RNF38: variants seen among roughly 807,000 people sequenced by gnomAD.
RNF38 encodes E3 ubiquitin-protein ligase RNF38.
RNF38 carries 15 observed loss-of-function variants against 67.2 expected under a neutral mutation model. The observed-to-expected ratio is 0.22, with a 90% confidence interval of 0.15 to 0.34. The LOEUF is 0.34. RNF38 is among the 10% of genes least tolerant of loss of function. The pLI, the probability that RNF38 is intolerant of heterozygous loss-of-function variation, is 1.00. For synonymous variants in RNF38, 220 were observed against 218.8 expected (o/e 1.01, Z -0.05); for missense variants, 524 against 639.9 (o/e 0.82, Z 1.95).
intron 1 of RNF38, among the ~76,000 whole-genome samples, chr9:36,390,835 G>C (rs1474602695): frequency 6.6e-6 from 1 of 152,208 alleles, no homozygotes; most frequent in African/African-American, 2.4e-5. Context: ...AGGCAAAACA[G>C]CACAGCCCAA....
upstream of RNF38, chr9:36,400,853 C>A (rs1440176123): frequency 1.1e-5 from 11 of 984,060 alleles, no homozygotes; most frequent in African/African-American, 1.2e-4. Flanking sequence ...CGGGCCTCGG[C>A]CCCGTCCCGC....
intron 1 of RNF38, among the ~76,000 whole-genome samples, chr9:36,473,890 G>C (rs951649740): frequency 6.6e-6 from 1 of 151,538 alleles, no homozygotes; most frequent in African/African-American, 2.4e-5. Flanking sequence ...AGGAGGCTGA[G>C]GCAGAGAATT....
At chr9:36,351,260 C>G in intron 8 of RNF38, 61 bp from the exon 9 acceptor site, 1 of 1,153,480 alleles carries the variant, frequency 8.7e-7, no homozygotes. Context: ...ATGAACAGGA[C>G]AGGGAGGACA....
chr9:36,425,111 C>A (rs1321723571), intron 1 of RNF38, among the ~76,000 whole-genome samples: 1 of 152,162 alleles, frequency 6.6e-6, no homozygotes, highest in African/African-American at 2.4e-5. Context: ...ACAATCTAAT[C>A]TACAATCACA....
In RNF38 at chr9:36,337,403, C is replaced by CAA. The variant is rs1400706033; in HGVS notation, c.*2347_*2348dup. On this transcript the variant is annotated 3_prime_UTR_variant, in exon 12 of 12. Transcript: ENST00000259605. ...GCCTCCTAAATTGCCAATTGCCTCT[C>CAA]AAAAACTTACAGAAAAAGGGACATT... 1.3e-5 allele frequency: 2 copies of CAA among 152,792 alleles called. No individual in the cohort carries two copies. Among genetic ancestry groups the CAA allele is most frequent in the African/African-American group, 4.8e-5 (2 of 41,406 alleles). The allele number at this position is 152,792 out of a possible 1,614,324, so 9.5% of individuals were successfully genotyped here. A position where few individuals can be genotyped will look rare whatever the true frequency, so the allele number is the denominator to read the frequency against.
chr9:36,390,639 G>T, intron 1 of RNF38, 23 bp from the exon 2 acceptor site: 2 of 1,613,218 alleles, frequency 1.2e-6, no homozygotes, highest in Non-Finnish European at 1.7e-6. Flanking sequence ...GGAAGAAAAG[G>T]ATAGTTCATG....
intron 2 of RNF38, 49 bp downstream of exon 2, chr9:36,390,418 A>G: frequency 6.6e-7 from 1 of 1,517,390 alleles, no homozygotes; most frequent in Non-Finnish European, 8.9e-7. Context: ...GAAACACTGT[A>G]GAATGTGACT....
chr9:36,344,817 G>A lies in RNF38; in HGVS notation c.1385+15C>T. ...AAAAGGAAATTTAGCAGTGATGTCA[G>A]AAAAATTTACTTACAAAGTCTGTTC... On this transcript the variant is annotated intron_variant, in intron 10 of 11. Coordinates refer to ENST00000259605, the MANE Select transcript of RNF38 (RefSeq NM_022781.5). 6.2e-7 allele frequency: 1 copy of A among 1,609,020 alleles called. No individual in the cohort carries two copies. The highest frequency in any genetic ancestry group is 8.5e-7 in the Non-Finnish European group (1 of 1,176,870).
intron 2 of RNF38, among the ~76,000 whole-genome samples, chr9:36,380,392 G>GT (rs1836124324): frequency 6.6e-6 from 1 of 152,132 alleles, no homozygotes; most frequent in African/African-American, 2.4e-5. Flanking sequence ...TAGAGATGGG[G>GT]TTTCTCCACG....
chr9:36,465,383 G>A (rs1839836260), intron 1 of RNF38, among the ~76,000 whole-genome samples: 1 of 151,962 alleles, frequency 6.6e-6, no homozygotes, highest in African/African-American at 2.4e-5. Context: ...TTTCGCTCTT[G>A]TTGCCCAGGC....
At chr9:36,355,208 C>A (rs1834009830) in intron 6 of RNF38, among the ~76,000 whole-genome samples, 1 of 152,178 alleles carries the variant, frequency 6.6e-6, no homozygotes, top group African/African-American at 2.4e-5. Context: ...CCTTAGTAAA[C>A]AATGGTAAGA....
intron 2 of RNF38, among the ~76,000 whole-genome samples, chr9:36,384,313 C>T (rs1188937437): frequency 6.6e-6 from 1 of 151,828 alleles, no homozygotes. Context: ...TGAGAGATAC[C>T]CCGCCTGGAG....
At chr9:36,423,056 C>G (rs957056071) in intron 2 of RNF38, among the ~76,000 whole-genome samples, 1 of 152,162 alleles carries the variant, frequency 6.6e-6, no homozygotes, top group African/African-American at 2.4e-5. Context: ...GAAGCACAAT[C>G]ACTTGTAACA....
intron 1 of RNF38, among the ~76,000 whole-genome samples, chr9:36,467,024 C>G (rs1355956922): frequency 6.9e-6 from 1 of 144,112 alleles, no homozygotes; most frequent in East Asian, 2.1e-4. Context: ...ACTAAAAATA[C>G]AAAAATTAGC....
chr9:36,390,929 T>C (rs1176033789), intron 1 of RNF38, among the ~76,000 whole-genome samples: 1 of 152,198 alleles, frequency 6.6e-6, no homozygotes, highest in Non-Finnish European at 1.5e-5. Context: ...AAGGACAGAC[T>C]TCATGCTAAG....
chr9:36,478,091 G>T (rs909397401), intron 1 of RNF38, among the ~76,000 whole-genome samples: 1 of 152,018 alleles, frequency 6.6e-6, no homozygotes, highest in East Asian at 1.9e-4. Context: ...TTCACTAAAA[G>T]ATTGCCAACA....
intron 1 of RNF38, among the ~76,000 whole-genome samples, chr9:36,439,749 T>C (rs893073935): frequency 3.6e-5 from 5 of 140,018 alleles, no homozygotes; most frequent in African/African-American, 1.4e-4. Context: ...CGAGATTATA[T>C]CACTGTACTC....
intron 2 of RNF38, among the ~76,000 whole-genome samples, chr9:36,385,874 C>T (rs555554605): frequency 1.3e-5 from 2 of 152,286 alleles, no homozygotes; most frequent in Non-Finnish European, 2.9e-5. Flanking sequence ...CAAAGTTTTG[C>T]CTCATCTGCC....
rs1046685810 is a variant in RNF38, at chr9:36,337,167, A to G, written c.*2585T>C. On this transcript the variant is annotated 3_prime_UTR_variant, in exon 12 of 12. Coordinates refer to ENST00000259605, the MANE Select transcript of RNF38 (RefSeq NM_022781.5). The stretch of plus-strand genomic sequence containing the variant: ...CAAGGTGACCAATGGCTGGGCACAA[A>G]TAAACTTCTCTTTTGCTAGCCACAG... The G allele has an allele frequency of 3.9e-5, 6 of 152,226 alleles. No individual in the cohort carries two copies. Among genetic ancestry groups the G allele is most frequent in the African/African-American group, 1.2e-4 (5 of 41,454 alleles). 9.4% of individuals were successfully genotyped at this position (152,226 alleles called of 1,614,324 possible).
Sources: gnomAD v4.1 joint callset for allele counts (sites outside exome capture counted in the v4.1 genomes callset) on GRCh38, gnomAD v4.1.1 for gene constraint, MANE v1.5 for transcripts, NCBI Gene and HGNC (gene_info 2026-07-23, HGNC 2026-07-21) for gene names.